PTPRD: variants seen among roughly 807,000 people sequenced by gnomAD.
PTPRD encodes the protein protein tyrosine phosphatase receptor type D, also known as receptor-type tyrosine-protein phosphatase delta.
PTPRD carries 34 observed loss-of-function variants against 214.5 expected under a neutral mutation model. The ratio of observed to expected loss-of-function variants is 0.16; its 90% CI spans 0.12 to 0.21. PTPRD has a LOEUF of 0.21. Among genes scored for constraint, PTPRD ranks in the 10% least tolerant of loss-of-function variants. The pLI is 1.00. For missense variants in PTPRD, 2,545 were observed against 2,398.7 expected (o/e 1.06, Z -1.27); for synonymous variants, 1,128 against 845.7 (o/e 1.33, Z -5.79).
chr9:9,270,001 T>G (rs1410008892), intron 9 of PTPRD, among the ~76,000 whole-genome samples: 1 of 150,380 alleles, frequency 6.6e-6, no homozygotes. Context: ...ATAATTTATT[T>G]TGTTACTATA....
At chr9:10,167,011 TATTCA>T (rs1302974499) in intron 3 of PTPRD, among the ~76,000 whole-genome samples, 1 of 152,158 alleles carries the variant, frequency 6.6e-6, no homozygotes, top group African/African-American at 2.4e-5. Context: ...TAAAACAAAG[TATTCA>T]CTTTCAGAAT....
chr9:8,416,397 C>T (rs1487292019), intron 35 of PTPRD, among the ~76,000 whole-genome samples: 1 of 152,058 alleles, frequency 6.6e-6, no homozygotes, highest in African/African-American at 2.4e-5. Context: ...ATTTTATTTC[C>T]TTATGTTTAC....
intron 2 of PTPRD, among the ~76,000 whole-genome samples, chr9:10,578,631 T>A (rs905773449): frequency 1.6e-4 from 25 of 152,170 alleles, no homozygotes; most frequent in South Asian, 2.1e-4. Context: ...CCTCTTCTCA[T>A]AGAAGTAAAT....
chr9:10,030,481 G>A (rs2097038069), intron 4 of PTPRD, among the ~76,000 whole-genome samples: 2 of 152,150 alleles, frequency 1.3e-5, no homozygotes. Flanking sequence ...TCACGAGATA[G>A]AAATGACCCT....
At chr9:8,578,080 G>A (rs576957745) in intron 14 of PTPRD, among the ~76,000 whole-genome samples, 9 of 152,104 alleles carry the variant, frequency 5.9e-5, no homozygotes, top group Non-Finnish European at 1.0e-4. Flanking sequence ...ATTTCATTGC[G>A]CTTTATACAG....
Position 8,521,676 on chromosome 9 carries a change from TA to T in PTPRD, c.692-131del, listed in dbSNP as rs1592671211. 7 of 1,044,924 alleles carry T rather than the reference TA, an allele frequency of 6.7e-6. No homozygotes were observed. In the East Asian group the frequency reaches 1.8e-4, roughly 27 times the overall value. 64.7% of individuals were successfully genotyped at this position (1,044,924 alleles called of 1,614,324 possible). On this transcript the variant is annotated intron_variant, in intron 19 of 45. Coordinates refer to ENST00000381196, the MANE Select transcript of PTPRD (RefSeq NM_002839.4). ...TTGTGGATTGTCCAAAAACAAAACA[TA>T]AAGAAAAACTGTGGATAATACAGAC... is the stretch of plus-strand genomic sequence containing the variant.
intron 4 of PTPRD, among the ~76,000 whole-genome samples, chr9:10,004,437 G>C (rs1036837271): frequency 6.6e-6 from 1 of 151,884 alleles, no homozygotes; most frequent in African/African-American, 2.4e-5. Flanking sequence ...AAATGTATAT[G>C]TGTATGGCAG....
chr9:9,206,173 A>G (rs1269915424), intron 9 of PTPRD, among the ~76,000 whole-genome samples: 1 of 152,158 alleles, frequency 6.6e-6, no homozygotes, highest in Non-Finnish European at 1.5e-5. Flanking sequence ...CAAGGTGACC[A>G]GTGTTGCTGG....
At chr9:8,683,862 C>G (rs140438701) in intron 12 of PTPRD, among the ~76,000 whole-genome samples, 1 of 152,168 alleles carries the variant, frequency 6.6e-6, no homozygotes. Context: ...TGGGCTAAGA[C>G]GTAAGGGTTC....
intron 5 of PTPRD, among the ~76,000 whole-genome samples, chr9:9,790,184 CA>C (rs2098957537): frequency 6.6e-6 from 1 of 152,138 alleles, no homozygotes; most frequent in Non-Finnish European, 1.5e-5. Flanking sequence ...TCTCGAGTTT[CA>C]TAGCCTTAAA....
intron 9 of PTPRD, among the ~76,000 whole-genome samples, chr9:9,264,424 A>C (rs114756877): frequency 0.013 from 2,026 of 151,782 alleles, 47 homozygotes; most frequent in African/African-American, 0.047. Flanking sequence ...GGCATACTTA[A>C]TGAAGTAGAA....
chr9:9,920,259 G>T (rs1435293559), intron 5 of PTPRD, among the ~76,000 whole-genome samples: 1 of 152,002 alleles, frequency 6.6e-6, no homozygotes, highest in Non-Finnish European at 1.5e-5. Flanking sequence ...TGGATAATTT[G>T]CACACTGCTT....
At chr9:9,662,236 T>C (rs896138919) in intron 7 of PTPRD, among the ~76,000 whole-genome samples, 3 of 151,736 alleles carry the variant, frequency 2.0e-5, no homozygotes, top group African/African-American at 7.2e-5. Flanking sequence ...TACTATAAAG[T>C]ATCATAACAA....
rs141203327 is a variant in PTPRD at position 9,519,355 on chromosome 9, A to G, written c.-237+55377T>C. Among the ~76,000 whole-genome samples, 7 of 15,646 alleles carry G rather than the reference A, an allele frequency of 4.5e-4. No homozygotes were observed. The East Asian group carries it at 0.016, about 35-fold the overall frequency. 10.3% of individuals were successfully genotyped at this position (15,646 alleles called of 152,430 possible). A position where few individuals can be genotyped will look rare whatever the true frequency, so the allele number is the denominator to read the frequency against. The stretch of plus-strand genomic sequence containing the variant: ...AAAGACAATGAAAATAAGAACAGAA[A>G]TAAATGAAACAAAAAAAACCAGAGA... On this transcript the variant is annotated intron_variant, in intron 8 of 45. Transcript: ENST00000381196.
chr9:8,793,301 C>T (rs185728787), intron 11 of PTPRD, among the ~76,000 whole-genome samples: 11 of 152,272 alleles, frequency 7.2e-5, no homozygotes, highest in South Asian at 2.1e-4. Flanking sequence ...AGCAGTCCAA[C>T]GGTGGAACTC....
rs193230117 is a variant in PTPRD, at chr9:8,893,481, C to T, written c.-104+125216G>A. 2.4e-3 allele frequency among the ~76,000 whole-genome samples: 360 copies of T among 152,296 alleles called. 6 individuals are homozygous for T. The highest frequency in any genetic ancestry group is 0.022 in the Admixed American group (332 of 15,298). On this transcript the variant is annotated intron_variant, in intron 11 of 45. Coordinates refer to ENST00000381196, the MANE Select transcript of PTPRD (RefSeq NM_002839.4). The stretch of plus-strand genomic sequence containing the variant: ...AACATTTCCAGTAATCAGAGAAACA[C>T]CATTTCACTCTCAGAAAATTGACAA...
chr9:9,089,313 G>T (rs1474657343), intron 10 of PTPRD, among the ~76,000 whole-genome samples: 2 of 152,118 alleles, frequency 1.3e-5, no homozygotes, highest in Admixed American at 1.3e-4. Context: ...ATACTTTATT[G>T]GCAAAAACAG....
At chr9:10,001,154 G>T (rs2096300957) in intron 4 of PTPRD, among the ~76,000 whole-genome samples, 1 of 151,824 alleles carries the variant, frequency 6.6e-6, no homozygotes, top group South Asian at 2.1e-4. Flanking sequence ...TATCTAAATT[G>T]GCGTGAGACC....
intron 9 of PTPRD, among the ~76,000 whole-genome samples, chr9:9,308,970 T>A (rs1958015881): frequency 6.6e-6 from 1 of 152,096 alleles, no homozygotes; most frequent in Admixed American, 6.6e-5. Context: ...TATCAGGTAA[T>A]ATTTAAATCT....
Sources: allele counts gnomAD v4.1 joint callset (sites outside exome capture counted in the v4.1 genomes callset), GRCh38; gene constraint gnomAD v4.1.1; transcripts MANE v1.5; gene names NCBI Gene and HGNC (gene_info 2026-07-23, HGNC 2026-07-21).